NIT2: variants seen among roughly 807,000 people sequenced by gnomAD.
The protein encoded by NIT2 is omega-amidase NIT2.
A neutral mutation model predicts 42.7 loss-of-function variants in NIT2; 46 were observed. That is an observed-to-expected ratio of 1.08 (90% CI 0.85 to 1.38). NIT2 has a LOEUF of 1.38. Ranked by LOEUF, NIT2 falls within the 40% of genes most tolerant of loss-of-function variation. The pLI is 0.00. For synonymous variants in NIT2, 123 were observed against 121.9 expected (o/e 1.01, Z -0.06); for missense variants, 309 against 342.5 (o/e 0.90, Z 0.77).
intron 7 of NIT2, among the ~76,000 whole-genome samples, chr3:100,351,788 C>T (rs941931381): frequency 1.3e-5 from 2 of 152,146 alleles, no homozygotes; most frequent in Non-Finnish European, 2.9e-5. Flanking sequence ...AGCTTCTGCA[C>T]AGCAAAAGAA....
chr3:100,354,994 G>A (rs539532275), intron 9 of NIT2, among the ~76,000 whole-genome samples, 167 bp downstream of exon 9: 1 of 152,252 alleles, frequency 6.6e-6, no homozygotes, highest in South Asian at 2.1e-4. Context: ...CCTGGGGAGT[G>A]TATCAGCTTG....
intron 4 of NIT2, 140 bp from the exon 5 acceptor site, chr3:100,345,445 T>G (rs1320821080): frequency 8.1e-6 from 5 of 613,864 alleles, no homozygotes; most frequent in Middle Eastern, 5.1e-4. Context: ...GCTTGTGGGG[T>G]GGATTATAAG....
At chr3:100,340,507 A>C (rs1056271477) in intron 3 of NIT2, among the ~76,000 whole-genome samples, 1 of 152,232 alleles carries the variant, frequency 6.6e-6, no homozygotes, top group Admixed American at 6.5e-5. Flanking sequence ...AAACACAGAA[A>C]AATTCTATAA....
At chr3:100,346,328 T>G in intron 6 of NIT2, 73 bp downstream of exon 6, 1 of 1,351,044 alleles carries the variant, frequency 7.4e-7, no homozygotes, top group Non-Finnish European at 1.0e-6. Context: ...GTGGGATCCT[T>G]AGTCAAGAAA....
chr3:100,337,994 T>C (rs1706097696), intron 1 of NIT2, among the ~76,000 whole-genome samples: 1 of 152,106 alleles, frequency 6.6e-6, no homozygotes, highest in African/African-American at 2.4e-5. Context: ...TTGCCTGAAC[T>C]GAGTAGGTCA....
In NIT2 at chr3:100,354,843, G is replaced by A; in HGVS notation, c.739+16G>A. On this transcript the variant is annotated intron_variant, in intron 9 of 9. Transcript: ENST00000394140. ...TCAGACATAGGTAAGATTTTCCTGG[G>A]CATGGTTTAGGTCTCTGATGTCCCC... The A allele has an allele frequency of 1.2e-6, 2 of 1,608,224 alleles. No homozygotes were observed. The highest frequency in any genetic ancestry group is 1.3e-5 in the African/African-American group (1 of 74,914).
chr3:100,352,373 G>A (rs761657157), intron 7 of NIT2, 31 bp from the exon 8 acceptor site: 13 of 1,532,132 alleles, frequency 8.5e-6, no homozygotes, highest in Admixed American at 6.7e-5. Context: ...TATAATGTAC[G>A]ATTTACCTCT....
In NIT2 at chr3:100,357,275, T is replaced by A. The variant is rs1379264486; in HGVS notation, c.*2007T>A. On this transcript the variant is annotated 3_prime_UTR_variant, in exon 10 of 10. Transcript: ENST00000394140. ...CAGGCACACTGAAAGTTAAACCTTG[T>A]AATAGTGCGAAATCATTTTCTTTTT... 6.6e-6 allele frequency: 1 copy of A among 152,218 alleles called. No homozygotes were observed. The highest frequency in any genetic ancestry group is 1.5e-5 in the Non-Finnish European group (1 of 68,044). 9.4% of individuals were successfully genotyped at this position (152,218 alleles called of 1,614,324 possible).
At chr3:100,335,233 T>G (rs962868423) in intron 1 of NIT2, 9 of 208,940 alleles carry the variant, frequency 4.3e-5, no homozygotes, top group Non-Finnish European at 9.1e-5. Context: ...GATTTTGACT[T>G]GGATTCTTGC....
At chr3:100,351,630 G>A (rs1225440107) in intron 7 of NIT2, among the ~76,000 whole-genome samples, 1 of 152,128 alleles carries the variant, frequency 6.6e-6, no homozygotes, top group Non-Finnish European at 1.5e-5. Context: ...AGACTTAAAC[G>A]TTGGACCTAA....
At chr3:100,338,476 T>A (rs1018826646) in intron 1 of NIT2, among the ~76,000 whole-genome samples, 4 of 152,214 alleles carry the variant, frequency 2.6e-5, no homozygotes, top group Admixed American at 6.5e-5. Context: ...AGGTTTTCCC[T>A]CTGCCAGCAG....
chr3:100,350,863 C>G (rs946914856), intron 7 of NIT2, among the ~76,000 whole-genome samples: 1 of 152,080 alleles, frequency 6.6e-6, no homozygotes, highest in African/African-American at 2.4e-5. Flanking sequence ...CCCCTGCCCC[C>G]ACCCCACAAC....
At chr3:100,342,217 C>G in intron 4 of NIT2, among the ~76,000 whole-genome samples, 1 of 152,166 alleles carries the variant, frequency 6.6e-6, no homozygotes, top group African/African-American at 2.4e-5. Context: ...TTTGCTGGTA[C>G]GTGGTTTTTC....
In NIT2 at chr3:100,354,828, G is replaced by C; in HGVS notation, c.739+1G>C. The C allele has an allele frequency of 6.2e-7, 1 of 1,610,710 alleles. No homozygotes were observed. The highest frequency in any genetic ancestry group is 2.2e-5 in the East Asian group (1 of 44,814). On this transcript the variant is annotated splice_donor_variant, in intron 9 of 9. Coordinates refer to ENST00000394140, the MANE Select transcript of NIT2 (RefSeq NM_020202.5). LOFTEE classifies it high-confidence loss of function. ...GAAGCAATCGTGTATTCAGACATAGGTAAGATTTTCCTGGGCATGGTTTAG... is the reference window on the plus strand; with the variant it reads ...GAAGCAATCGTGTATTCAGACATAGCTAAGATTTTCCTGGGCATGGTTTAG...
At chr3:100,348,349 G>C (rs1008802887) in intron 6 of NIT2, among the ~76,000 whole-genome samples, 3 of 152,226 alleles carry the variant, frequency 2.0e-5, no homozygotes, top group African/African-American at 7.2e-5. Context: ...ATGTTAATGA[G>C]CTTATAATGA....
In NIT2 at chr3:100,355,915, G is replaced by C. The variant is rs277647; in HGVS notation, c.*647G>C. ...TTAGTGAAGACAATTTAGTATGAAT[G>C]TCTGCAAAAGATTTTTTTGATAGCG... On this transcript the variant is annotated 3_prime_UTR_variant, in exon 10 of 10. Transcript: ENST00000394140. 0.48 allele frequency: 73,442 copies of C among 152,160 alleles called. 20,824 individuals are homozygous for C. Among genetic ancestry groups the C allele is most frequent in the African/African-American group, 0.78 (32,535 of 41,514 alleles). 9.4% of individuals were successfully genotyped at this position (152,160 alleles called of 1,614,324 possible).
chr3:100,352,647 G>A (rs1249482448), intron 8 of NIT2, 145 bp downstream of exon 8: 2 of 569,266 alleles, frequency 3.5e-6, no homozygotes, highest in Non-Finnish European at 6.4e-6. Context: ...CTTTCTGCCT[G>A]TCTCTGTGAG....
chr3:100,339,646 T>C (rs1706125248), intron 2 of NIT2, among the ~76,000 whole-genome samples, 169 bp from the exon 3 acceptor site: 2 of 152,326 alleles, frequency 1.3e-5, no homozygotes, highest in South Asian at 4.1e-4. Context: ...TAGTCTTACC[T>C]GTGGCTACAG....
intron 3 of NIT2, among the ~76,000 whole-genome samples, chr3:100,340,240 T>C (rs529206880): frequency 6.6e-6 from 1 of 152,180 alleles, no homozygotes; most frequent in South Asian, 2.1e-4. Context: ...GATTTTTGTA[T>C]TTTTTTGTAA....
Sources: gnomAD v4.1 joint callset for allele counts (sites outside exome capture counted in the v4.1 genomes callset) on GRCh38, gnomAD v4.1.1 for gene constraint, MANE v1.5 for transcripts, NCBI Gene and HGNC (gene_info 2026-07-23, HGNC 2026-07-21) for gene names.